The following KIFC3 variants were observed in gnomAD, a reference collection of about 807,000 sequenced individuals.
The protein encoded by KIFC3 is kinesin family member C3, also known as kinesin-like protein KIFC3.
In KIFC3, 60 loss-of-function variants were observed where a neutral mutation model predicts 101.8. The observed-to-expected ratio is 0.59, with a 90% CI of 0.48 to 0.73. The LOEUF (loss-of-function observed/expected upper bound fraction) is 0.73. Among genes scored for constraint, KIFC3 ranks in the 30% least tolerant of loss-of-function variants. The pLI is 0.00. For missense variants in KIFC3, 966 were observed against 1,137.1 expected (o/e 0.85, Z 2.16); for synonymous variants, 476 against 482.7 (o/e 0.99, Z 0.18).
chr16:57,796,718 A>C lies in KIFC3; in HGVS notation c.172+1354T>G, dbSNP rs563588215. Among the ~76,000 whole-genome samples the C allele has an allele frequency of 1.2e-3, 186 of 152,350 alleles. 1 individual carries two copies. The highest frequency in any genetic ancestry group is 4.4e-3 in the African/African-American group (185 of 41,578). On this transcript the variant is annotated intron_variant, in intron 2 of 19. Transcript: ENST00000445690. Reference sequence around the variant, plus strand: ...TCCTTCAGGTTAGAAAGCTGAGATAACACAATATTTCAAAGACCTATATGC... The same window carrying C: ...TCCTTCAGGTTAGAAAGCTGAGATACCACAATATTTCAAAGACCTATATGC...
At chr16:57,807,130 T>A (rs2054954880), upstream of KIFC3, among the ~76,000 whole-genome samples, 1 of 151,952 alleles carries the variant, frequency 6.6e-6, no homozygotes, top group Non-Finnish European at 1.5e-5. Flanking sequence ...GGCAGGAGAA[T>A]TGCTTGAACC....
chr16:57,773,387 C>T (rs997862726), intron 3 of KIFC3, among the ~76,000 whole-genome samples: 1 of 152,178 alleles, frequency 6.6e-6, no homozygotes, highest in Non-Finnish European at 1.5e-5. Context: ...GTACTCTCCT[C>T]GGACGACAGG....
intron 3 of KIFC3, among the ~76,000 whole-genome samples, chr16:57,784,978 A>G (rs1555616803): frequency 6.6e-6 from 1 of 152,190 alleles, no homozygotes; most frequent in Non-Finnish European, 1.5e-5. Flanking sequence ...CCCTTCCCCA[A>G]CATGCACTCA....
chr16:57,833,688 C>A (rs983936542), intron 1 of KIFC3, among the ~76,000 whole-genome samples: 1 of 152,004 alleles, frequency 6.6e-6, no homozygotes, highest in Non-Finnish European at 1.5e-5. Flanking sequence ...AGTTTCCCAT[C>A]GTGGTGATGT....
chr16:57,802,445 C>A lies in KIFC3; in HGVS notation c.-115G>T. ...CCCGGCCCGGCCCGCCGGCAGGAGG[C>A]AGCTCCACGCCGCCGCCTCCTCCTC... On this transcript the variant is annotated 5_prime_UTR_variant, in exon 1 of 20. Coordinates refer to ENST00000445690, the MANE Select transcript of KIFC3 (RefSeq NM_001130100.2). The surrounding 1 kb of genome is among the most constrained non-coding windows in gnomAD (Gnocchi z 5.0). The A allele has an allele frequency of 2.0e-6, 2 of 983,088 alleles. No individual in the cohort carries two copies. Among genetic ancestry groups the A allele is most frequent in the Non-Finnish European group, 2.4e-6 (2 of 829,012 alleles). 60.9% of individuals were successfully genotyped at this position (983,088 alleles called of 1,614,324 possible).
At chr16:57,821,363 C>T (rs551883401) in intron 1 of KIFC3, among the ~76,000 whole-genome samples, 1 of 152,292 alleles carries the variant, frequency 6.6e-6, no homozygotes, top group East Asian at 1.9e-4. Context: ...CTGGCTGTAG[C>T]TTTGCGCAGG....
At chr16:57,842,274 C>G (rs751756875) in intron 1 of KIFC3, among the ~76,000 whole-genome samples, 2 of 152,214 alleles carry the variant, frequency 1.3e-5, no homozygotes, top group African/African-American at 2.4e-5. Context: ...CTGCCTCCCC[C>G]ACCTGGAATG....
At chr16:57,818,776 G>A (rs1347905931) in intron 1 of KIFC3, among the ~76,000 whole-genome samples, 3 of 152,316 alleles carry the variant, frequency 2.0e-5, no homozygotes, top group Middle Eastern at 3.4e-3. Flanking sequence ...TTTGCCCAGC[G>A]TGGTCAATGC....
chr16:57,815,692 G>A (rs1463646386), intron 1 of KIFC3: 3 of 1,267,860 alleles, frequency 2.4e-6, no homozygotes, highest in Non-Finnish European at 3.1e-6. Context: ...CGGGGCCTGG[G>A]AGAAGGGGAG....
rs781921760 is a variant in KIFC3 at position 57,788,582 on chromosome 16, C to G, written c.315+6417G>C. 5 of 1,288,746 alleles carry G rather than the reference C, an allele frequency of 3.9e-6. No individual in the cohort carries two copies. In the South Asian group the frequency reaches 6.2e-5, roughly 16 times the overall value. 79.8% of individuals were successfully genotyped at this position (1,288,746 alleles called of 1,614,324 possible). The stretch of plus-strand genomic sequence containing the variant: ...CGGGCAGGCCTGCTTTACCTGTATT[C>G]TCTACATTCATGGTGCCACCAGCTT... On this transcript the variant is annotated intron_variant, in intron 3 of 19. Transcript: ENST00000445690.
rs367763181 is a variant in KIFC3, at chr16:57,760,065, G to A, written c.2367+217C>T. The A allele has an allele frequency of 1.2e-3, 728 of 632,510 alleles. 15 individuals are homozygous for A. The South Asian group carries it at 0.014, about 12-fold the overall frequency. 39.2% of individuals were successfully genotyped at this position (632,510 alleles called of 1,614,324 possible). On this transcript the variant is annotated intron_variant, in intron 17 of 19. Transcript: ENST00000445690. Reference sequence around the variant, plus strand: ...AGCATCTACTATGTGCCACCCCCACGGCCAGCTCGTCACCCCACAGGAACC... The same window carrying A: ...AGCATCTACTATGTGCCACCCCCACAGCCAGCTCGTCACCCCACAGGAACC...
intron 3 of KIFC3, chr16:57,774,793 C>G: frequency 9.5e-7 from 1 of 1,051,622 alleles, no homozygotes; most frequent in South Asian, 2.3e-5. Flanking sequence ...TCCCAAAGTG[C>G]TGGGATTACC....
chr16:57,832,501 G>C (rs1414186031), intron 1 of KIFC3, among the ~76,000 whole-genome samples: 9 of 151,742 alleles, frequency 5.9e-5, no homozygotes, highest in African/African-American at 2.2e-4. Flanking sequence ...TTTTAGTAAG[G>C]ACAAGGTTTC....
intron 1 of KIFC3, among the ~76,000 whole-genome samples, chr16:57,826,092 T>A: frequency 6.6e-6 from 1 of 152,238 alleles, no homozygotes; most frequent in Non-Finnish European, 1.5e-5. Flanking sequence ...GCCTCCCTCC[T>A]CTGAGGGAAT....
chr16:57,844,435 A>G (rs1255395368), intron 1 of KIFC3, among the ~76,000 whole-genome samples: 5 of 10,064 alleles, frequency 5.0e-4, no homozygotes, highest in South Asian at 3.1e-3. Context: ...AGTCTCAGGG[A>G]AAAAAAAAAA....
At chr16:57,780,154 G>A (rs11076202) in intron 3 of KIFC3, among the ~76,000 whole-genome samples, 146,720 of 152,342 alleles carry the variant, frequency 0.96, 70,889 homozygotes, top group African/African-American at 0.99. Context: ...GAGCCAAACT[G>A]TATCAGATGG....
At chr16:57,797,357 C>A (rs547749166) in intron 2 of KIFC3, among the ~76,000 whole-genome samples, 1 of 152,374 alleles carries the variant, frequency 6.6e-6, no homozygotes, top group African/African-American at 2.4e-5. Flanking sequence ...CTGCCCACGC[C>A]TCGGGAGAGG....
intron 1 of KIFC3, among the ~76,000 whole-genome samples, chr16:57,855,708 G>A (rs926723783): frequency 1.4e-4 from 22 of 152,130 alleles, no homozygotes; most frequent in Admixed American, 1.1e-3. Flanking sequence ...CCCTGTGGGA[G>A]ACCAAGGCAG....
Position 57,838,220 on chromosome 16 carries a change from A to T in KIFC3, c.108+24509T>A, listed in dbSNP as rs181149793. On this transcript the variant is annotated intron_variant, in intron 1 of 2. Transcript: ENST00000563028. ...AGCTTCCCAAGCCTCGCAGCCGGGG[A>T]TGGAATTAAATTCAAATTCACCTGC... is the stretch of plus-strand genomic sequence containing the variant. Among the ~76,000 whole-genome samples the T allele has an allele frequency of 7.0e-4, 107 of 152,308 alleles. 1 individual carries two copies. Among genetic ancestry groups the T allele is most frequent in the Admixed American group, 5.2e-3 (80 of 15,294 alleles).
Sources: allele counts gnomAD v4.1 joint callset (sites outside exome capture counted in the v4.1 genomes callset), GRCh38; gene constraint gnomAD v4.1.1; non-coding constraint Gnocchi (gnomAD v3.1); transcripts MANE v1.5; gene names NCBI Gene and HGNC (gene_info 2026-07-23, HGNC 2026-07-21).